Variants in SPPL3 observed in about 807,000 individuals in gnomAD.
SPPL3 encodes signal peptide peptidase like 3.
A neutral mutation model predicts 42.4 loss-of-function variants in SPPL3; 5 were observed. That is an observed-to-expected ratio of 0.12 (90% CI 0.06 to 0.25). The LOEUF is 0.25. Ranked by LOEUF, SPPL3 falls within the 10% of genes least tolerant of loss-of-function variation. SPPL3 has a pLI of 1.00. For missense variants in SPPL3, 235 were observed against 489.0 expected (o/e 0.48, Z 4.90); for synonymous variants, 195 against 181.8 (o/e 1.07, Z -0.58).
At chr12:120,804,739 A>G (rs2136996730) in intron 2 of SPPL3, among the ~76,000 whole-genome samples, 1 of 152,304 alleles carries the variant, frequency 6.6e-6, no homozygotes, top group Non-Finnish European at 1.5e-5. Context: ...CAATTCTGCT[A>G]CTAGGTATCT....
rs1176293879 is a variant in SPPL3, at chr12:120,766,252, G to A, written c.1083+11C>T. 6.4e-7 allele frequency: 1 copy of A among 1,562,060 alleles called. No homozygotes were observed. Among genetic ancestry groups the A allele is most frequent in the Non-Finnish European group, 8.7e-7 (1 of 1,151,696 alleles). On this transcript the variant is annotated intron_variant, in intron 10 of 10. Coordinates refer to ENST00000353487, the MANE Select transcript of SPPL3 (RefSeq NM_139015.5). The stretch of plus-strand genomic sequence containing the variant: ...TTATTGCTTTCACAGGTTTATAACT[G>A]CTGCTCTCACCTTTAAATAGGCCAT...
At chr12:120,768,581 A>C in intron 7 of SPPL3, 93 bp from the exon 8 acceptor site, 7 of 1,358,338 alleles carry the variant, frequency 5.2e-6, no homozygotes, top group Non-Finnish European at 6.1e-6. Flanking sequence ...AGAGTCTCAG[A>C]ATGCTGTGAC....
intron 1 of SPPL3, among the ~76,000 whole-genome samples, chr12:120,859,770 C>G (rs900709855): frequency 1.3e-5 from 2 of 151,986 alleles, no homozygotes; most frequent in Non-Finnish European, 2.9e-5. Context: ...ATGGTGAAAC[C>G]CTGTCTCTAC....
chr12:120,867,588 C>G (rs1484989409), intron 1 of SPPL3, among the ~76,000 whole-genome samples: 1 of 151,704 alleles, frequency 6.6e-6, no homozygotes, highest in Non-Finnish European at 1.5e-5. Flanking sequence ...TCGCTTGAAC[C>G]CGGGAGGCGG....
chr12:120,845,113 T>C, intron 1 of SPPL3: 1 of 405,414 alleles, frequency 2.5e-6, no homozygotes, highest in Non-Finnish European at 4.8e-6. Context: ...TCGCATTCAC[T>C]TCTGGTTCCG....
intron 10 of SPPL3, 31 bp from the exon 11 acceptor site, chr12:120,765,101 A>T: frequency 6.2e-7 from 1 of 1,610,330 alleles, no homozygotes; most frequent in Non-Finnish European, 8.5e-7. Context: ...TAAGTTACAG[A>T]TTTAAACATG....
intron 6 of SPPL3, among the ~76,000 whole-genome samples, chr12:120,771,641 C>T (rs1033259588): frequency 1.3e-5 from 2 of 152,122 alleles, no homozygotes; most frequent in Non-Finnish European, 2.9e-5. Context: ...GTAGTCTAGG[C>T]CAGGGCCTGG....
chr12:120,862,456 C>T (rs1311793726), intron 1 of SPPL3, among the ~76,000 whole-genome samples: 5 of 152,192 alleles, frequency 3.3e-5, no homozygotes, highest in Non-Finnish European at 7.3e-5. Flanking sequence ...GACTCATCAG[C>T]TACAAAGTTA....
chr12:120,807,778 C>A (rs1466138117), intron 2 of SPPL3, among the ~76,000 whole-genome samples: 1 of 151,904 alleles, frequency 6.6e-6, no homozygotes, highest in Non-Finnish European at 1.5e-5. Flanking sequence ...CAAAGAGAAG[C>A]CCAACTGTAG....
At chr12:120,852,714 T>TTC in intron 1 of SPPL3, among the ~76,000 whole-genome samples, 2 of 16,570 alleles carry the variant, frequency 1.2e-4, no homozygotes. Flanking sequence ...ATATATGAAA[T>TTC]ATATTTTATA....
chr12:120,876,479 T>G (rs1873091140), intron 1 of SPPL3, among the ~76,000 whole-genome samples: 1 of 151,034 alleles, frequency 6.6e-6, no homozygotes, highest in South Asian at 2.1e-4. Flanking sequence ...TAGCTGGGCG[T>G]GGTGGCGGGC....
rs897762196 is a variant in SPPL3, at chr12:120,874,068, T to C, written c.23+29777A>G. 2.6e-5 allele frequency among the ~76,000 whole-genome samples: 4 copies of C among 152,046 alleles called. No individual in the cohort carries two copies. The South Asian group carries it at 8.3e-4, about 31-fold the overall frequency. On this transcript the variant is annotated intron_variant, in intron 1 of 10. Coordinates refer to ENST00000353487, the MANE Select transcript of SPPL3 (RefSeq NM_139015.5). The stretch of plus-strand genomic sequence containing the variant: ...AGATAATTCATTATCAGCAGAACCC[T>C]ACTACAACTAATGTTAAAGGAATTT...
chr12:120,768,759 C>T (rs1002072665), intron 7 of SPPL3, 194 bp downstream of exon 7: 1 of 634,004 alleles, frequency 1.6e-6, no homozygotes, highest in Non-Finnish European at 2.7e-6. Flanking sequence ...CACACACACA[C>T]ACTACCTACT....
intron 1 of SPPL3, among the ~76,000 whole-genome samples, chr12:120,877,602 G>A (rs760226399): frequency 9.2e-5 from 14 of 152,022 alleles, no homozygotes; most frequent in Non-Finnish European, 1.2e-4. Context: ...CCAACATGAC[G>A]AGACCCTGTC....
intron 2 of SPPL3, among the ~76,000 whole-genome samples, chr12:120,806,874 CAT>C (rs1870515643): frequency 8.9e-6 from 1 of 112,190 alleles, no homozygotes; most frequent in African/African-American, 3.5e-5. Context: ...AGAAAGAAAA[CAT>C]AGGAGAAAAT....
At chr12:120,878,542 A>T (rs1429446145) in intron 1 of SPPL3, among the ~76,000 whole-genome samples, 1 of 152,224 alleles carries the variant, frequency 6.6e-6, no homozygotes, top group Non-Finnish European at 1.5e-5. Flanking sequence ...ACCATCTCTG[A>T]CACGAGTTTC....
intron 1 of SPPL3, among the ~76,000 whole-genome samples, chr12:120,876,338 G>A (rs1873084909): frequency 6.6e-6 from 1 of 151,964 alleles, no homozygotes. Context: ...AATGGGCCAG[G>A]CACAGTGGCT....
At position 120,804,090 on chromosome 12, in the gene SPPL3, T is replaced by C. The variant is rs1488849988; in HGVS notation, c.101+6719A>G. On this transcript the variant is annotated intron_variant, in intron 2 of 10. Transcript: ENST00000353487. ...CTGATGTTGTCTTCCTAGAGTAGGT[T>C]TGGGTATACGTAAATGAACTGCCCT... Among the ~76,000 whole-genome samples, 4 of 152,260 alleles carry C rather than the reference T, an allele frequency of 2.6e-5. No homozygotes were observed. In the East Asian group the frequency reaches 7.7e-4, roughly 29 times the overall value.
At position 120,776,576 on chromosome 12, in the gene SPPL3, ACTT is replaced by A. The variant is rs1869329049; in HGVS notation, c.502+6076_502+6078del. 2.0e-5 allele frequency among the ~76,000 whole-genome samples: 3 copies of A among 151,668 alleles called. No homozygotes were observed. The South Asian group carries it at 6.3e-4, about 32-fold the overall frequency. On this transcript the variant is annotated intron_variant, in intron 6 of 10. Transcript: ENST00000353487. ...AGAATGTCACCTTCCACCATGCTGAACTTTTTTTTTTTGGTAACATACTATTAG... is the reference window on the plus strand; with the variant it reads ...AGAATGTCACCTTCCACCATGCTGAATTTTTTTTTGGTAACATACTATTAG...
Sources: gnomAD v4.1 joint callset for allele counts (sites outside exome capture counted in the v4.1 genomes callset) on GRCh38, gnomAD v4.1.1 for gene constraint, MANE v1.5 for transcripts, NCBI Gene and HGNC (gene_info 2026-07-23, HGNC 2026-07-21) for gene names.